The following ATP6V1E2 variants were observed in gnomAD, a reference collection of about 807,000 sequenced individuals.
ATP6V1E2 encodes the protein ATPase H+ transporting V1 subunit E2, also known as V-type proton ATPase subunit E 2.
For missense variants in ATP6V1E2, 308 were observed against 273.3 expected (o/e 1.13, Z -0.90); for synonymous variants, 121 against 104.2 (o/e 1.16, Z -0.98).
At chr2:46,531,083 C>G (rs1160953959) in intron 4 of ATP6V1E2, among the ~76,000 whole-genome samples, 1 of 152,142 alleles carries the variant, frequency 6.6e-6, no homozygotes, top group African/African-American at 2.4e-5. Context: ...TTATTACATT[C>G]ACAAGGTTGT....
intron 1 of ATP6V1E2, chr2:46,541,987 G>C (rs1667801141): frequency 6.6e-6 from 1 of 152,260 alleles, no homozygotes. Context: ...CGGAGCCGAC[G>C]GGGTATCCTT....
intron 4 of ATP6V1E2, among the ~76,000 whole-genome samples, chr2:46,514,202 C>T (rs1687607826): frequency 6.6e-6 from 1 of 152,092 alleles, no homozygotes; most frequent in Admixed American, 6.5e-5. Context: ...ATCGCTTGAA[C>T]CCAGGAGGTG....
chr2:46,526,315 A>T (rs1212939385), intron 4 of ATP6V1E2, among the ~76,000 whole-genome samples: 1 of 152,128 alleles, frequency 6.6e-6, no homozygotes, highest in Non-Finnish European at 1.5e-5. Flanking sequence ...GGTTTTCACC[A>T]TGTTAGCCAG....
intron 4 of ATP6V1E2, among the ~76,000 whole-genome samples, chr2:46,516,622 A>G (rs1237529854): frequency 1.3e-5 from 2 of 152,208 alleles, no homozygotes; most frequent in African/African-American, 4.8e-5. Context: ...GAATAAGTCA[A>G]AAAGAAAACT....
chr2:46,539,274 G>C (rs1178735436), intron 2 of ATP6V1E2, among the ~76,000 whole-genome samples: 1 of 152,208 alleles, frequency 6.6e-6, no homozygotes, highest in Non-Finnish European at 1.5e-5. Flanking sequence ...AGATGCTCTA[G>C]AAATTTGTGT....
Position 46,512,513 on chromosome 2 carries a change from G to C in ATP6V1E2, c.199C>G (p.Gln67Glu), listed in dbSNP as rs370837327. The change falls in exon 5 of 5, where the codon CAG becomes GAG. Residue 67 changes from glutamine (Q) to glutamate (E), a missense_variant. Gln to Glu is a conservative substitution (Grantham distance 29, BLOSUM62 2). Coordinates refer to ENST00000522587, the MANE Select transcript of ATP6V1E2 (RefSeq NM_001318063.2). ...YEKKEKQIEQ[Q>E]KKILMSTMRN... is the part of the protein sequence containing the mutation. ...ATGGTGGACATCAGGATTTTCTTCTGCTGCTCTATCTGCTTCTCCTTTTTC... is the reference window on the plus strand; with the variant it reads ...ATGGTGGACATCAGGATTTTCTTCTCCTGCTCTATCTGCTTCTCCTTTTTC... The C allele has an allele frequency of 2.5e-6, 4 of 1,614,010 alleles. No homozygotes were observed. The African/African-American group carries it at 4.0e-5, about 16-fold the overall frequency.
chr2:46,518,490 A>ACAC (rs1471974728), intron 4 of ATP6V1E2, among the ~76,000 whole-genome samples: 2 of 140,912 alleles, frequency 1.4e-5, no homozygotes, highest in African/African-American at 5.3e-5. Flanking sequence ...ACACACACAC[A>ACAC]ACACACACAC....
chr2:46,517,426 A>G (rs1225557995), intron 4 of ATP6V1E2, among the ~76,000 whole-genome samples: 3 of 152,252 alleles, frequency 2.0e-5, no homozygotes, highest in Non-Finnish European at 2.9e-5. Context: ...GGTCTTGCCA[A>G]TGATTTCTTG....
intron 3 of ATP6V1E2, among the ~76,000 whole-genome samples, chr2:46,536,296 T>A (rs1436347768): frequency 6.6e-6 from 1 of 152,266 alleles, no homozygotes; most frequent in Non-Finnish European, 1.5e-5. Flanking sequence ...CCAATCCTAC[T>A]GGATTTATTT....
intron 2 of ATP6V1E2, among the ~76,000 whole-genome samples, chr2:46,539,947 A>G (rs770244125): frequency 6.6e-6 from 1 of 152,214 alleles, no homozygotes; most frequent in Non-Finnish European, 1.5e-5. Flanking sequence ...CTGTTTGCTA[A>G]TAAGTTCCTT....
At chr2:46,525,528 C>A (rs1558663059) in intron 4 of ATP6V1E2, among the ~76,000 whole-genome samples, 1 of 149,826 alleles carries the variant, frequency 6.7e-6, no homozygotes, top group Non-Finnish European at 1.5e-5. Context: ...GGCGAGCAAG[C>A]TTGGGAGAGA....
At chr2:46,513,013 T>C (rs551428544) in intron 4 of ATP6V1E2, among the ~76,000 whole-genome samples, 3 of 152,308 alleles carry the variant, frequency 2.0e-5, no homozygotes, top group South Asian at 4.1e-4. Flanking sequence ...CTCACTCTCA[T>C]TGTTATCAAA....
intron 4 of ATP6V1E2, among the ~76,000 whole-genome samples, chr2:46,514,596 T>G (rs1303572911): frequency 6.6e-6 from 1 of 151,910 alleles, no homozygotes; most frequent in Admixed American, 6.6e-5. Context: ...TTTGAAATTA[T>G]CCAGTCAAAG....
chr2:46,512,123 C>A lies in ATP6V1E2; in HGVS notation c.589G>T (p.Glu197Ter). 6.2e-7 allele frequency: 1 copy of A among 1,614,176 alleles called. No homozygotes were observed. Among genetic ancestry groups the A allele is most frequent in the Middle Eastern group, 1.6e-4 (1 of 6,062 alleles). ...TTGGCTGAGAGATCCAGTCGGCTTTCCAAGGTATTTGAAACCTTTATTCTC... is the reference window on the plus strand; with the variant it reads ...TTGGCTGAGAGATCCAGTCGGCTTTACAAGGTATTTGAAACCTTTATTCTC... ...NQRIKVSNTLESRLDLSAKQK... is the reference protein window; with the variant it reads ...NQRIKVSNTL The change falls in exon 5 of 5, where the codon GAA becomes TAA. Residue 197 changes from glutamate (E) to a stop codon, truncating the protein, a stop_gained. Transcript: ENST00000522587. LOFTEE classifies it high-confidence loss of function.
At chr2:46,520,840 G>A (rs114078264) in intron 4 of ATP6V1E2, among the ~76,000 whole-genome samples, 2,139 of 152,232 alleles carry the variant, frequency 0.014, 26 homozygotes, top group African/African-American at 0.027. Flanking sequence ...AGGGCTTGGG[G>A]ATGGAAGGGA....
intron 4 of ATP6V1E2, among the ~76,000 whole-genome samples, chr2:46,522,907 T>C (rs538519363): frequency 1.6e-4 from 25 of 152,336 alleles, no homozygotes; most frequent in African/African-American, 6.0e-4. Flanking sequence ...GCATCTATTG[T>C]TTCCTGACTT....
intron 4 of ATP6V1E2, among the ~76,000 whole-genome samples, chr2:46,524,800 A>C (rs1666811093): frequency 6.6e-6 from 1 of 152,174 alleles, no homozygotes; most frequent in African/African-American, 2.4e-5. Flanking sequence ...TGTGGAGAGC[A>C]GGTGGGTTTG....
At position 46,542,445 on chromosome 2, in the gene ATP6V1E2, T is replaced by G. The variant is rs1667832251; in HGVS notation, c.-602A>C. On this transcript the variant is annotated 5_prime_UTR_variant, in exon 1 of 5. Transcript: ENST00000522587. The stretch of plus-strand genomic sequence containing the variant: ...GGCACTTGCGCGAGGAGCCCTCGGC[T>G]CCCCAGGCGACTCCCCTCCTCCCCT... 6.6e-6 allele frequency: 1 copy of G among 150,850 alleles called. No individual in the cohort carries two copies. Among genetic ancestry groups the G allele is most frequent in the African/African-American group, 2.4e-5 (1 of 41,190 alleles). 9.3% of individuals were successfully genotyped at this position (150,850 alleles called of 1,614,324 possible).
At chr2:46,514,073 A>G (rs1439511246) in intron 4 of ATP6V1E2, among the ~76,000 whole-genome samples, 1 of 152,074 alleles carries the variant, frequency 6.6e-6, no homozygotes, top group Non-Finnish European at 1.5e-5. Flanking sequence ...TGAGGTCAAT[A>G]GTTCAAGACC....
Sources: allele counts gnomAD v4.1 joint callset (sites outside exome capture counted in the v4.1 genomes callset), GRCh38; gene constraint gnomAD v4.1.1; transcripts MANE v1.5; gene names NCBI Gene and HGNC (gene_info 2026-07-23, HGNC 2026-07-21).